The following RYR2 variants were observed in gnomAD, a reference collection of about 807,000 sequenced individuals.
RYR2 encodes ryanodine receptor 2.
In RYR2, 227 loss-of-function variants were observed where a neutral mutation model predicts 601.1. The observed-to-expected ratio is 0.38, with a 90% CI of 0.34 to 0.42. The LOEUF is 0.42. Among genes scored for constraint, RYR2 ranks in the 10% least tolerant of loss-of-function variants. The pLI, the probability that RYR2 is intolerant of heterozygous loss-of-function variation, is 1.00. For synonymous variants in RYR2, 2,223 were observed against 2,175.1 expected, an observed-to-expected ratio of 1.02 and a Z score of -0.61; for missense variants, 4,646 against 6,156.5, an observed-to-expected ratio of 0.75 and a Z score of 8.21.
chr1:237,787,938 T>A, intron 91 of RYR2, 50 bp from the exon 92 acceptor site: 7 of 1,534,272 alleles, frequency 4.6e-6, no homozygotes, highest in Non-Finnish European at 6.2e-6. Flanking sequence ...AACACCCGTT[T>A]AGTTCTTTAG....
chr1:237,325,840 T>C lies in RYR2; in HGVS notation c.169-5038T>C, dbSNP rs367601518. 2.1e-4 allele frequency among the ~76,000 whole-genome samples: 32 copies of C among 152,302 alleles called. 1 individual carries two copies. Among genetic ancestry groups the C allele is most frequent in the Middle Eastern group, 6.8e-3 (2 of 294 alleles). The stretch of plus-strand genomic sequence containing the variant: ...TTGACGTCCCTACAAGGAGATGTTT[T>C]TATGTGTGATTTTATGTGTGATTTA... On this transcript the variant is annotated intron_variant, in intron 2 of 104. Coordinates refer to ENST00000366574, the MANE Select transcript of RYR2 (RefSeq NM_001035.3).
intron 1 of RYR2, among the ~76,000 whole-genome samples, chr1:237,246,374 G>A (rs990820647): frequency 2.0e-5 from 3 of 152,190 alleles, no homozygotes; most frequent in Admixed American, 6.5e-5. Context: ...GAGATTACAG[G>A]CGTGAGCCAC....
intron 2 of RYR2, among the ~76,000 whole-genome samples, chr1:237,303,286 G>A (rs1283793663): frequency 4.2e-5 from 6 of 144,220 alleles, no homozygotes; most frequent in Admixed American, 3.4e-4. Flanking sequence ...ATAGCTCTGC[G>A]GTTATCTTTT....
At chr1:237,752,785 A>G (rs1004022764) in intron 80 of RYR2, among the ~76,000 whole-genome samples, 1 of 152,146 alleles carries the variant, frequency 6.6e-6, no homozygotes, top group Non-Finnish European at 1.5e-5. Context: ...TTGATATTCA[A>G]CATCACCTTG....
intron 2 of RYR2, among the ~76,000 whole-genome samples, chr1:237,307,295 A>G (rs892262182): frequency 5.3e-5 from 8 of 152,218 alleles, no homozygotes; most frequent in Non-Finnish European, 8.8e-5. Context: ...GCTGCTGAGT[A>G]GCAGAACCAG....
chr1:237,099,351 C>A (rs1237797762), intron 1 of RYR2, among the ~76,000 whole-genome samples: 1 of 152,098 alleles, frequency 6.6e-6, no homozygotes, highest in Non-Finnish European at 1.5e-5. Context: ...AATCCTCTTA[C>A]CTCAGCCTCC....
intron 1 of RYR2, among the ~76,000 whole-genome samples, chr1:237,226,823 T>A (rs181784867): frequency 1.1e-3 from 163 of 152,184 alleles, no homozygotes; most frequent in Non-Finnish European, 1.8e-3. Context: ...GGGTGGAGTG[T>A]AGTGGCGTGC....
At chr1:237,695,312 A>G (rs1277983996) in intron 63 of RYR2, among the ~76,000 whole-genome samples, 5 of 152,128 alleles carry the variant, frequency 3.3e-5, no homozygotes, top group South Asian at 4.1e-4. Flanking sequence ...TGTACTTTTT[A>G]TGTTTACGTA....
At chr1:237,478,624 A>G (rs1017901686) in intron 17 of RYR2, among the ~76,000 whole-genome samples, 1 of 152,110 alleles carries the variant, frequency 6.6e-6, no homozygotes, top group Admixed American at 6.5e-5. Context: ...TATGTTTTGG[A>G]TACTGTTCTA....
At chr1:237,320,205 G>A (rs576888640) in intron 2 of RYR2, among the ~76,000 whole-genome samples, 10 of 152,128 alleles carry the variant, frequency 6.6e-5, no homozygotes, top group Admixed American at 1.3e-4. Flanking sequence ...GAGAAGATTT[G>A]CCAACCTTCT....
intron 14 of RYR2, among the ~76,000 whole-genome samples, chr1:237,449,359 TA>T (rs1657785638): frequency 6.6e-6 from 1 of 152,212 alleles, no homozygotes; most frequent in Non-Finnish European, 1.5e-5. Flanking sequence ...AGTCTACCTT[TA>T]ATTGATATTT....
chr1:237,670,220 G>A (rs1684794609), intron 58 of RYR2, among the ~76,000 whole-genome samples: 1 of 151,496 alleles, frequency 6.6e-6, no homozygotes, highest in Admixed American at 6.6e-5. Context: ...GGAGGTTGCA[G>A]TGAGCCGAGA....
intron 4 of RYR2, among the ~76,000 whole-genome samples, chr1:237,363,044 GA>G (rs1699908831): frequency 6.7e-6 from 1 of 149,580 alleles, no homozygotes; most frequent in South Asian, 2.1e-4. Context: ...ATCAGGCTGA[GA>G]AAATTGTCTG....
At chr1:237,158,872 G>A (rs1278250800) in intron 1 of RYR2, among the ~76,000 whole-genome samples, 2 of 152,222 alleles carry the variant, frequency 1.3e-5, no homozygotes, top group Non-Finnish European at 2.9e-5. Context: ...GCAAAATGCT[G>A]CATGGTAGCT....
intron 1 of RYR2, among the ~76,000 whole-genome samples, chr1:237,184,362 A>T (rs1444659968): frequency 1.3e-5 from 2 of 152,220 alleles, no homozygotes; most frequent in Non-Finnish European, 2.9e-5. Flanking sequence ...ATGCTGACTC[A>T]GGTTTCTCTG....
intron 29 of RYR2, among the ~76,000 whole-genome samples, chr1:237,569,561 T>C (rs1358476948): frequency 6.6e-6 from 1 of 152,130 alleles, no homozygotes; most frequent in Non-Finnish European, 1.5e-5. Flanking sequence ...TGAGTATGAA[T>C]AAGAAAATAA....
At chr1:237,338,679 T>A (rs1171048580) in intron 3 of RYR2, among the ~76,000 whole-genome samples, 2 of 152,174 alleles carry the variant, frequency 1.3e-5, no homozygotes, top group African/African-American at 4.8e-5. Flanking sequence ...CAACAGTAGA[T>A]CTTCATATTT....
intron 3 of RYR2, among the ~76,000 whole-genome samples, chr1:237,340,069 T>C (rs1479673061): frequency 2.0e-5 from 3 of 152,168 alleles, no homozygotes; most frequent in Admixed American, 2.0e-4. Context: ...ATTTCTAACA[T>C]TGTCTGCTAC....
At chr1:237,408,606 A>G (rs4659789) in intron 10 of RYR2, among the ~76,000 whole-genome samples, 123,485 of 151,740 alleles carry the variant, frequency 0.81, 50,916 homozygotes, top group East Asian at 1. Flanking sequence ...CTGAAATCAG[A>G]TAGTGTCAGT....
Sources: allele counts gnomAD v4.1 joint callset (sites outside exome capture counted in the v4.1 genomes callset), GRCh38; gene constraint gnomAD v4.1.1; transcripts MANE v1.5; gene names NCBI Gene and HGNC (gene_info 2026-07-23, HGNC 2026-07-21).